LRRC7: variants seen among roughly 807,000 people sequenced by gnomAD.
LRRC7 encodes leucine-rich repeat-containing protein 7.
In LRRC7, 23 loss-of-function variants were observed where a neutral mutation model predicts 175.7. The observed-to-expected ratio is 0.13, with a 90% CI of 0.09 to 0.19. The LOEUF (loss-of-function observed/expected upper bound fraction) is 0.19, where lower values mean the gene tolerates loss of function less well. LRRC7 is among the 10% of genes least tolerant of loss of function. LRRC7 has a pLI of 1.00. For missense variants in LRRC7, 1,354 were observed against 1,904.7 expected (o/e 0.71, Z 5.38); for synonymous variants, 685 against 680.9 (o/e 1.01, Z -0.09).
At chr1:69,996,403 T>G (rs993466692) in intron 11 of LRRC7, among the ~76,000 whole-genome samples, 10 of 152,272 alleles carry the variant, frequency 6.6e-5, no homozygotes, top group African/African-American at 2.4e-4. Flanking sequence ...AGCTCTTTAA[T>G]TAGATCCCAT....
chr1:70,091,437 A>T (rs2102171918), intron 25 of LRRC7, among the ~76,000 whole-genome samples: 1 of 152,284 alleles, frequency 6.6e-6, no homozygotes, highest in African/African-American at 2.4e-5. Flanking sequence ...TATGATACTT[A>T]AGAGAGTTGA....
chr1:69,784,811 T>A (rs1269812250), intron 3 of LRRC7, among the ~76,000 whole-genome samples: 1 of 152,208 alleles, frequency 6.6e-6, no homozygotes, highest in Non-Finnish European at 1.5e-5. Context: ...TATTCTTTGG[T>A]GCATGAGTTA....
chr1:70,118,776 G>T (rs578262549), intron 26 of LRRC7, among the ~76,000 whole-genome samples: 2 of 152,118 alleles, frequency 1.3e-5, no homozygotes, highest in East Asian at 3.9e-4. Flanking sequence ...TTTCACACTG[G>T]GCTTTCATGA....
chr1:69,842,656 T>G (rs1681858252), intron 7 of LRRC7, among the ~76,000 whole-genome samples: 1 of 152,048 alleles, frequency 6.6e-6, no homozygotes. Context: ...ATTTGGTAGA[T>G]GAAGAATGCT....
In LRRC7 at chr1:69,725,593, C is replaced by T. The variant is rs147535983; in HGVS notation, c.101-34598C>T. ...AGATTCTTCAGATTCTGTATAGGTA[C>T]GAAATGCCAACATACACTCAAGGTG... On this transcript the variant is annotated intron_variant, in intron 2 of 26. Coordinates refer to ENST00000651989, the MANE Select transcript of LRRC7 (RefSeq NM_001370785.2). Among the ~76,000 whole-genome samples the T allele has an allele frequency of 4.6e-5, 7 of 152,178 alleles. No individual in the cohort carries two copies. In the East Asian group the frequency reaches 5.8e-4, roughly 13 times the overall value.
chr1:69,909,960 T>C (rs533465216), intron 7 of LRRC7, among the ~76,000 whole-genome samples: 2 of 152,258 alleles, frequency 1.3e-5, no homozygotes, highest in African/African-American at 4.8e-5. Context: ...CTTGGAGGCT[T>C]TGTTTGTTTC....
At chr1:69,626,869 C>T (rs866782023) in intron 1 of LRRC7, among the ~76,000 whole-genome samples, 8 of 151,882 alleles carry the variant, frequency 5.3e-5, no homozygotes, top group Admixed American at 2.0e-4. Flanking sequence ...TGATGGTTTC[C>T]AGCTTCATCC....
intron 1 of LRRC7, among the ~76,000 whole-genome samples, chr1:69,617,621 A>G (rs1361597110): frequency 1.3e-5 from 2 of 148,734 alleles, no homozygotes; most frequent in Non-Finnish European, 3.0e-5. Flanking sequence ...CAAGTGGAGG[A>G]AATGATTTTG....
chr1:69,743,614 G>A (rs1015292643), intron 2 of LRRC7, among the ~76,000 whole-genome samples: 4 of 151,918 alleles, frequency 2.6e-5, no homozygotes, highest in Non-Finnish European at 4.4e-5. Context: ...ATTGAAAGTG[G>A]GAAATGATAG....
chr1:69,949,128 T>A (rs1354675151), intron 8 of LRRC7, among the ~76,000 whole-genome samples: 2 of 151,716 alleles, frequency 1.3e-5, no homozygotes, highest in African/African-American at 4.8e-5. Flanking sequence ...ACAAAAGTAG[T>A]TGTAATAAAG....
intron 2 of LRRC7, among the ~76,000 whole-genome samples, chr1:69,697,404 C>A (rs1187887530): frequency 2.0e-5 from 3 of 152,196 alleles, no homozygotes; most frequent in African/African-American, 7.2e-5. Flanking sequence ...AGAGTAGATT[C>A]TCTGTATAGT....
intron 2 of LRRC7, among the ~76,000 whole-genome samples, chr1:69,699,489 A>G (rs1663063040): frequency 6.6e-6 from 1 of 151,920 alleles, no homozygotes; most frequent in Admixed American, 6.6e-5. Flanking sequence ...GCAGTGAGCC[A>G]AGATTGTGCC....
At chr1:70,100,280 A>G (rs1057339477) in intron 25 of LRRC7, among the ~76,000 whole-genome samples, 3 of 152,154 alleles carry the variant, frequency 2.0e-5, no homozygotes, top group Admixed American at 1.3e-4. Context: ...TCTAAAAGCA[A>G]TCTCAGAGAA....
chr1:69,683,537 A>C (rs1182705178), intron 2 of LRRC7, among the ~76,000 whole-genome samples: 1 of 152,130 alleles, frequency 6.6e-6, no homozygotes, highest in African/African-American at 2.4e-5. Context: ...GCTTTCTTAT[A>C]ATTGTTGATC....
intron 7 of LRRC7, among the ~76,000 whole-genome samples, chr1:69,852,996 C>T (rs1194917506): frequency 6.6e-6 from 1 of 152,028 alleles, no homozygotes; most frequent in Non-Finnish European, 1.5e-5. Flanking sequence ...GTAGCTTTTA[C>T]CAAAGCTTCT....
intron 4 of LRRC7, among the ~76,000 whole-genome samples, chr1:69,821,892 CA>C (rs367975148): frequency 0.047 from 6,977 of 146,930 alleles, 298 homozygotes; most frequent in African/African-American, 0.11. Flanking sequence ...GAGACTCTGT[CA>C]AAAAAAAAAA....
At chr1:69,825,883 A>G (rs1679852147) in intron 5 of LRRC7, 57 bp downstream of exon 5, 1 of 1,091,644 alleles carries the variant, frequency 9.2e-7, no homozygotes, top group Admixed American at 2.2e-5. Flanking sequence ...ATAATAATGT[A>G]CCTAAATAGA....
intron 8 of LRRC7, among the ~76,000 whole-genome samples, chr1:69,943,698 G>C (rs1648977547): frequency 6.6e-6 from 1 of 151,992 alleles, no homozygotes; most frequent in African/African-American, 2.4e-5. Flanking sequence ...CTGCCTCCCA[G>C]GATCTAGAAA....
At chr1:69,906,138 A>C (rs1430177971) in intron 7 of LRRC7, among the ~76,000 whole-genome samples, 2 of 152,008 alleles carry the variant, frequency 1.3e-5, no homozygotes, top group Non-Finnish European at 2.9e-5. Flanking sequence ...GTGTGAGTTC[A>C]TTGTAGATTC....
Sources: allele counts gnomAD v4.1 joint callset (sites outside exome capture counted in the v4.1 genomes callset), GRCh38; gene constraint gnomAD v4.1.1; transcripts MANE v1.5; gene names NCBI Gene and HGNC (gene_info 2026-07-23, HGNC 2026-07-21).